The following LDLRAD1 variants were observed in gnomAD, a reference collection of about 807,000 sequenced individuals.
The protein encoded by LDLRAD1 is low-density lipoprotein receptor class A domain-containing protein 1.
Under a neutral mutation model 24.8 loss-of-function variants are expected in LDLRAD1, and 17 were observed. The ratio of observed to expected loss-of-function variants is 0.69; its 90% CI spans 0.47 to 1.03. The LOEUF (loss-of-function observed/expected upper bound fraction) is 1.03, where lower values mean the gene tolerates loss of function less well. LDLRAD1 is among the 50% of genes least tolerant of loss of function. The probability of loss-of-function intolerance (pLI) is 0.00; values close to 1 mark genes in which losing one functional copy is unlikely to be tolerated. For missense variants in LDLRAD1, 277 were observed against 271.0 expected, an observed-to-expected ratio of 1.02 and a Z score of -0.16; for synonymous variants, 103 against 108.2, an observed-to-expected ratio of 0.95 and a Z score of 0.30.
chr1:54,013,341 A>C (rs1656143481), intron 3 of LDLRAD1, among the ~76,000 whole-genome samples: 1 of 152,122 alleles, frequency 6.6e-6, no homozygotes, highest in African/African-American at 2.4e-5. Flanking sequence ...CCTGCAGGGC[A>C]GGGGGAGCGC....
chr1:54,016,740 G>C (rs1349879925), intron 2 of LDLRAD1, among the ~76,000 whole-genome samples: 1 of 152,228 alleles, frequency 6.6e-6, no homozygotes, highest in African/African-American at 2.4e-5. Context: ...TGTCTCATCT[G>C]TTATTGCCCC....
At chr1:54,012,721 A>C (rs1261864366) in intron 3 of LDLRAD1, among the ~76,000 whole-genome samples, 1 of 152,120 alleles carries the variant, frequency 6.6e-6, no homozygotes, top group African/African-American at 2.4e-5. Flanking sequence ...GTCAGAAGCA[A>C]TATATTTGGG....
At chr1:54,009,978 C>G (rs1655978046) in intron 5 of LDLRAD1, among the ~76,000 whole-genome samples, 1 of 152,104 alleles carries the variant, frequency 6.6e-6, no homozygotes. Context: ...TAAGGGAACC[C>G]CAGGTTCAAA....
chr1:54,014,283 G>T lies in LDLRAD1; in HGVS notation c.155C>A (p.Ala52Asp). 1 of 1,551,784 alleles carries T rather than the reference G, an allele frequency of 6.4e-7. No individual in the cohort carries two copies. Among genetic ancestry groups the T allele is most frequent in the Non-Finnish European group, 8.7e-7 (1 of 1,147,546 alleles). Residue 52 changes from alanine (A) to aspartate (D), a missense_variant, in exon 3 of 6, where the codon GCC becomes GAC. Physicochemically the swap from Ala to Asp is moderately radical, Grantham distance 126. Transcript: ENST00000371360. ...AAGAATGGTGACCAAGGCGATGAGG[G>T]CCGCCACAGTTGCCAGGAGGAGCAG... Reference protein sequence around the residue: ...SLLLLLATVAALIALVTILGL... With the variant: ...SLLLLLATVADLIALVTILGL...
chr1:54,015,661 TTG>T lies in LDLRAD1; in HGVS notation c.74-1299_74-1298del, dbSNP rs1408286126. Among the ~76,000 whole-genome samples the T allele has an allele frequency of 8.0e-4, 107 of 134,280 alleles. 7 individuals are homozygous for T. Among genetic ancestry groups the T allele is most frequent in the Admixed American group, 2.8e-3 (33 of 11,932 alleles). 88.1% of individuals were successfully genotyped at this position (134,280 alleles called of 152,430 possible). ...GGGGCTTTTGTTTTTTTTGTTTTTT[TTG>T]TTTTTTTTTTGAGGCGGAGTCTTGC... On this transcript the variant is annotated intron_variant, in intron 2 of 5. Coordinates refer to ENST00000371360, the MANE Select transcript of LDLRAD1 (RefSeq NM_001010978.4).
chr1:54,016,251 G>A (rs1656299269), intron 2 of LDLRAD1, among the ~76,000 whole-genome samples: 1 of 152,166 alleles, frequency 6.6e-6, no homozygotes, highest in African/African-American at 2.4e-5. Flanking sequence ...AATAGCAGGA[G>A]AGGCAGCATA....
chr1:54,017,370 C>T lies in LDLRAD1; in HGVS notation c.73+6G>A, dbSNP rs1055742111. 2.5e-6 allele frequency: 4 copies of T among 1,597,354 alleles called. No homozygotes were observed. The highest frequency in any genetic ancestry group is 1.7e-5 in the Admixed American group (1 of 58,124). On this transcript the variant is annotated splice_donor_region_variant and intron_variant, in intron 2 of 5. Transcript: ENST00000371360. ...GGCACTGGCCCCAGGCCCTCCAGTTCTTTACCTTCCCCTCCAGGGTGGGCT... is the reference window on the plus strand; with the variant it reads ...GGCACTGGCCCCAGGCCCTCCAGTTTTTTACCTTCCCCTCCAGGGTGGGCT...
chr1:54,013,732 C>T (rs183756230), intron 3 of LDLRAD1, among the ~76,000 whole-genome samples: 8 of 152,256 alleles, frequency 5.3e-5, no homozygotes, highest in Middle Eastern at 3.4e-3. Flanking sequence ...CCAGGGACCC[C>T]GCTGTAATGT....
intron 3 of LDLRAD1, among the ~76,000 whole-genome samples, chr1:54,013,940 G>A (rs936079609): frequency 1.3e-5 from 2 of 152,046 alleles, no homozygotes; most frequent in African/African-American, 4.8e-5. Context: ...TGTAGGGACT[G>A]GGGGGCTGAG....
chr1:54,012,995 G>A (rs1186572204), intron 3 of LDLRAD1, among the ~76,000 whole-genome samples: 2 of 152,120 alleles, frequency 1.3e-5, no homozygotes, highest in Non-Finnish European at 2.9e-5. Context: ...TTGTGCATTT[G>A]TGTTTGTGCA....
chr1:54,010,442 C>T, intron 4 of LDLRAD1, 32 bp from the exon 5 acceptor site: 1 of 1,611,160 alleles, frequency 6.2e-7, no homozygotes, highest in Non-Finnish European at 8.5e-7. Context: ...AGGAAGAAGT[C>T]CACATCTGGC....
At chr1:54,015,019 G>A (rs934407440) in intron 2 of LDLRAD1, among the ~76,000 whole-genome samples, 6 of 152,178 alleles carry the variant, frequency 3.9e-5, no homozygotes, top group African/African-American at 1.4e-4. Flanking sequence ...AGCTACCTTA[G>A]ACTTTGTTGA....
At chr1:54,014,947 T>G (rs898841609) in intron 2 of LDLRAD1, among the ~76,000 whole-genome samples, 4 of 152,120 alleles carry the variant, frequency 2.6e-5, no homozygotes, top group African/African-American at 9.7e-5. Context: ...TGGGCCACAC[T>G]GAGTAAGCCA....
intron 2 of LDLRAD1, among the ~76,000 whole-genome samples, chr1:54,014,803 C>G (rs893331766): frequency 6.6e-6 from 1 of 152,176 alleles, no homozygotes; most frequent in Admixed American, 6.5e-5. Flanking sequence ...TTCATGTCAC[C>G]CTGGGTGGAG....
chr1:54,010,643 C>T (rs1456466639), intron 4 of LDLRAD1, among the ~76,000 whole-genome samples: 1 of 152,082 alleles, frequency 6.6e-6, no homozygotes, highest in African/African-American at 2.4e-5. Flanking sequence ...CTCAGTTCCT[C>T]CCCAGCTCTG....
chr1:54,009,144 A>G lies in LDLRAD1; in HGVS notation c.470-14T>C, dbSNP rs753779376. On this transcript the variant is annotated splice_polypyrimidine_tract_variant and intron_variant, in intron 5 of 5. Transcript: ENST00000371360. ...GGCACACAGTTACTGCAGAGACAAG[A>G]GCCAGCAGGAGAGCAGTTGCTGTGT... 3.1e-6 allele frequency: 5 copies of G among 1,612,928 alleles called. No homozygotes were observed. The highest frequency in any genetic ancestry group is 4.2e-6 in the Non-Finnish European group (5 of 1,179,696).
At chr1:54,013,071 G>A (rs537767852) in intron 3 of LDLRAD1, among the ~76,000 whole-genome samples, 16 of 152,102 alleles carry the variant, frequency 1.1e-4, no homozygotes, top group African/African-American at 3.1e-4. Flanking sequence ...CGGCGGGGGG[G>A]AGCAACTCTC....
intron 5 of LDLRAD1, 103 bp downstream of exon 5, chr1:54,010,179 G>C: frequency 7.4e-7 from 1 of 1,352,238 alleles, no homozygotes; most frequent in Non-Finnish European, 1.0e-6. Context: ...CTAGGATGCA[G>C]GGAAGCATGC....
At chr1:54,014,197 C>T (rs1218040769) in intron 3 of LDLRAD1, 39 bp downstream of exon 3, 13 of 1,563,280 alleles carry the variant, frequency 8.3e-6, no homozygotes, top group Middle Eastern at 2.0e-4. Flanking sequence ...CCATGCCCTC[C>T]CCGCCGGGTC....
Sources: allele counts gnomAD v4.1 joint callset (sites outside exome capture counted in the v4.1 genomes callset), GRCh38; gene constraint gnomAD v4.1.1; transcripts MANE v1.5; gene names NCBI Gene and HGNC (gene_info 2026-07-23, HGNC 2026-07-21).